Variants in USP32 observed in about 807,000 individuals in gnomAD.
USP32 encodes ubiquitin carboxyl-terminal hydrolase 32.
USP32 carries 59 observed loss-of-function variants against 204.8 expected under a neutral mutation model. The ratio of observed to expected loss-of-function variants is 0.29; its 90% CI spans 0.23 to 0.36. The LOEUF (loss-of-function observed/expected upper bound fraction) is 0.36, where lower values mean the gene tolerates loss of function less well. Ranked by LOEUF, USP32 falls within the 10% of genes least tolerant of loss-of-function variation. USP32 has a pLI of 1.00. For missense variants in USP32, 1,160 were observed against 1,946.4 expected, an observed-to-expected ratio of 0.60 and a Z score of 7.60; for synonymous variants, 517 against 678.4, an observed-to-expected ratio of 0.76 and a Z score of 3.70.
intron 1 of USP32, among the ~76,000 whole-genome samples, chr17:60,367,013 G>A (rs555339672): frequency 5.9e-5 from 9 of 152,266 alleles, no homozygotes; most frequent in Non-Finnish European, 1.0e-4. Context: ...AGTTTTAGTA[G>A]AGACGGGGTT....
intron 1 of USP32, among the ~76,000 whole-genome samples, chr17:60,358,804 TG>T (rs1452338161): frequency 6.6e-6 from 1 of 152,202 alleles, no homozygotes; most frequent in East Asian, 1.9e-4. Context: ...TATTACATCA[TG>T]GGGCACCACT....
chr17:60,343,328 C>T (rs1179178228), intron 2 of USP32, among the ~76,000 whole-genome samples: 1 of 152,162 alleles, frequency 6.6e-6, no homozygotes, highest in Non-Finnish European at 1.5e-5. Context: ...GAACTCTCCA[C>T]CCCAAATCAA....
Position 60,179,402 on chromosome 17 carries a change from G to A in USP32, c.4668C>T (p.Thr1556=), listed in dbSNP as rs528373674. 12 of 1,612,486 alleles carry A rather than the reference G, an allele frequency of 7.4e-6. No individual in the cohort carries two copies. Among genetic ancestry groups the A allele is most frequent in the African/African-American group, 1.3e-5 (1 of 74,976 alleles). The change falls in exon 34 of 34, where the codon ACC becomes ACT. Residue 1556 remains threonine, a synonymous_variant. Coordinates refer to ENST00000300896, the MANE Select transcript of USP32 (RefSeq NM_032582.4). ...CATAGAAAAGAATGTAGGCAGAGTC[G>A]GTGTCAATTTCATCCGGGTGAAGTT... is the stretch of plus-strand genomic sequence containing the variant. The part of the protein sequence containing the change: ...CKELHPDEID[T]DSAYILFYEQ...
chr17:60,238,039 T>C (rs1003975935), intron 11 of USP32, among the ~76,000 whole-genome samples: 1 of 152,238 alleles, frequency 6.6e-6, no homozygotes, highest in Admixed American at 6.5e-5. Flanking sequence ...CAGCAATATA[T>C]GAGAGTCCCT....
At position 60,421,725 on chromosome 17, in the gene USP32, GACTACA is replaced by G. The variant is rs1000691460; in HGVS notation, c.106+515_106+520del. 3.8e-6 allele frequency: 3 copies of G among 798,310 alleles called. No individual in the cohort carries two copies. The African/African-American group carries it at 5.6e-5, about 15-fold the overall frequency. The allele number at this position is 798,310 out of a possible 1,614,324, so 49.5% of individuals were successfully genotyped here. A position where few individuals can be genotyped will look rare whatever the true frequency, so the allele number is the denominator to read the frequency against. ...CTCCCGGCCCTGCCCGGCCAACTCA[GACTACA>G]CCCGGACTCTGCCCACCGCGTTTCC... On this transcript the variant is annotated intron_variant, in intron 1 of 3. Coordinates refer to the USP32 transcript ENST00000588898.
At chr17:60,191,400 T>TAA (rs1158204624) in intron 28 of USP32, among the ~76,000 whole-genome samples, 4 of 58,400 alleles carry the variant, frequency 6.8e-5, no homozygotes, top group Non-Finnish European at 1.1e-4. Flanking sequence ...AGACTCTGTT[T>TAA]AAAAAAAAAA....
At chr17:60,412,695 C>T (rs1318681892) in intron 1 of USP32, among the ~76,000 whole-genome samples, 2 of 151,964 alleles carry the variant, frequency 1.3e-5, no homozygotes, top group Non-Finnish European at 2.9e-5. Flanking sequence ...AATACGGTGC[C>T]CTGGAAGAAA....
intron 1 of USP32, among the ~76,000 whole-genome samples, chr17:60,389,821 C>G (rs2089798128): frequency 6.6e-6 from 1 of 151,832 alleles, no homozygotes; most frequent in Non-Finnish European, 1.5e-5. Flanking sequence ...TCCAGACCAT[C>G]CCGGCTAACA....
chr17:60,330,867 C>T (rs1326442981), intron 2 of USP32, among the ~76,000 whole-genome samples: 1 of 152,196 alleles, frequency 6.6e-6, no homozygotes, highest in African/African-American at 2.4e-5. Flanking sequence ...ACTATCCCAA[C>T]TTTCCCAGCC....
At chr17:60,310,263 A>G (rs534887000) in intron 2 of USP32, among the ~76,000 whole-genome samples, 2 of 152,332 alleles carry the variant, frequency 1.3e-5, no homozygotes, top group Admixed American at 1.3e-4. Context: ...AAGAAAGGAA[A>G]TCAATGTATC....
At chr17:60,238,485 T>C (rs373863672) in intron 11 of USP32, among the ~76,000 whole-genome samples, 5 of 150,860 alleles carry the variant, frequency 3.3e-5, no homozygotes, top group East Asian at 3.9e-4. Context: ...CTGGGCAACA[T>C]GGCAAACCCT....
chr17:60,405,069 G>A (rs2089964869), intron 1 of USP32, among the ~76,000 whole-genome samples: 1 of 152,122 alleles, frequency 6.6e-6, no homozygotes, highest in Non-Finnish European at 1.5e-5. Context: ...GGAGGCTGAA[G>A]CACAAGAATT....
At chr17:60,229,579 T>C (rs992604918) in intron 12 of USP32, among the ~76,000 whole-genome samples, 1 of 152,188 alleles carries the variant, frequency 6.6e-6, no homozygotes, top group East Asian at 1.9e-4. Flanking sequence ...CCCATAAAGA[T>C]GGAGCAAGAC....
At position 60,243,525 on chromosome 17, in the gene USP32, C is replaced by T. The variant is rs577080712; in HGVS notation, c.1137-7285G>A. The stretch of plus-strand genomic sequence containing the variant: ...TTTTAGAGTGAGGAATTTCCCTTCC[C>T]CAAAGTTGTGAATGAGCATGACTGT... On this transcript the variant is annotated intron_variant, in intron 11 of 33. Transcript: ENST00000300896. 8.5e-5 allele frequency among the ~76,000 whole-genome samples: 13 copies of T among 152,212 alleles called. No homozygotes were observed. In the South Asian group the frequency reaches 1.7e-3, roughly 19 times the overall value.
chr17:60,212,253 C>T (rs1055622013), intron 18 of USP32, among the ~76,000 whole-genome samples, 155 bp from the exon 19 acceptor site: 5 of 151,814 alleles, frequency 3.3e-5, no homozygotes, highest in African/African-American at 1.2e-4. Context: ...AGGTTATATT[C>T]TGAGAAATGC....
chr17:60,186,208 T>C (rs2084247273), intron 29 of USP32, among the ~76,000 whole-genome samples: 1 of 152,230 alleles, frequency 6.6e-6, no homozygotes. Context: ...CGCTTCAAAA[T>C]GACAAAAACA....
chr17:60,252,205 TTAATC>T lies in USP32; in HGVS notation c.1136+171_1136+175del, dbSNP rs1291739663. ...TGTTAAATAGAATTTGCCTTCTTAATTAATCTATAGTACCTTCCCTTATCTAGGAA... is the reference window on the plus strand; with the variant it reads ...TGTTAAATAGAATTTGCCTTCTTAATTATAGTACCTTCCCTTATCTAGGAA... On this transcript the variant is annotated intron_variant, in intron 11 of 33. Transcript: ENST00000300896. 2.0e-5 allele frequency among the ~76,000 whole-genome samples: 3 copies of T among 152,244 alleles called. No homozygotes were observed. In the East Asian group the frequency reaches 5.8e-4, roughly 29 times the overall value.
chr17:60,268,574 C>T (rs2086654330), intron 7 of USP32, among the ~76,000 whole-genome samples: 1 of 139,426 alleles, frequency 7.2e-6, no homozygotes, highest in South Asian at 2.2e-4. Flanking sequence ...CAGAACAAGA[C>T]CCTGTCTCAA....
chr17:60,313,144 G>A (rs1036277565), intron 2 of USP32, among the ~76,000 whole-genome samples: 11 of 147,316 alleles, frequency 7.5e-5, no homozygotes, highest in South Asian at 2.1e-4. Context: ...CCAGCTACTC[G>A]GGAGGCTGAG....
Sources: gnomAD v4.1 joint callset for allele counts (sites outside exome capture counted in the v4.1 genomes callset) on GRCh38, gnomAD v4.1.1 for gene constraint, MANE v1.5 for transcripts, NCBI Gene and HGNC (gene_info 2026-07-23, HGNC 2026-07-21) for gene names.